DLGAP2: variants seen among roughly 807,000 people sequenced by gnomAD.
DLGAP2 encodes DLG associated protein 2, also known as disks large-associated protein 2.
A neutral mutation model predicts 100.3 loss-of-function variants in DLGAP2; 26 were observed. The observed-to-expected ratio is 0.26, with a 90% CI of 0.19 to 0.36. The LOEUF (loss-of-function observed/expected upper bound fraction) is 0.36, where lower values mean the gene tolerates loss of function less well. DLGAP2 is among the 10% of genes least tolerant of loss of function. DLGAP2 has a pLI of 1.00. For synonymous variants in DLGAP2, 886 were observed against 630.1 expected (o/e 1.41, Z -6.08); for missense variants, 1,858 against 1,453.2 (o/e 1.28, Z -4.53).
intron 6 of DLGAP2, 41 bp from the exon 7 acceptor site, chr8:1,626,699 G>A (rs376109941): frequency 2.6e-6 from 4 of 1,563,412 alleles, no homozygotes; most frequent in African/African-American, 2.7e-5. Context: ...CCTGCAGCGG[G>A]TGCTCACAGA....
chr8:1,254,600 C>T (rs13263834), intron 2 of DLGAP2, among the ~76,000 whole-genome samples: 2,009 of 152,290 alleles, frequency 0.013, 29 homozygotes, highest in South Asian at 0.028. Flanking sequence ...CTTCTCGCAT[C>T]TGCATTCCAA....
intron 1 of DLGAP2, among the ~76,000 whole-genome samples, chr8:866,065 G>T (rs887305648): frequency 2.6e-5 from 4 of 152,180 alleles, no homozygotes; most frequent in Non-Finnish European, 5.9e-5. Context: ...GGGACAGGAT[G>T]GTGTTTCGGA....
At chr8:1,280,175 A>G (rs1320381444) in intron 3 of DLGAP2, among the ~76,000 whole-genome samples, 3 of 152,028 alleles carry the variant, frequency 2.0e-5, no homozygotes, top group African/African-American at 7.2e-5. Context: ...ATGGTTTTTC[A>G]TTAGCTGGTT....
chr8:1,538,957 C>T (rs1411840437), intron 4 of DLGAP2, among the ~76,000 whole-genome samples: 1 of 149,396 alleles, frequency 6.7e-6, no homozygotes, highest in African/African-American at 2.5e-5. Flanking sequence ...GCGATCTCCA[C>T]TCACTGCAAC....
At chr8:1,441,455 C>G (rs781346553) in intron 3 of DLGAP2, among the ~76,000 whole-genome samples, 3 of 151,894 alleles carry the variant, frequency 2.0e-5, no homozygotes, top group Non-Finnish European at 4.4e-5. Flanking sequence ...TTTGGGAGGC[C>G]GAGGTGGGCA....
rs573469908 is a variant in DLGAP2 at position 1,456,752 on chromosome 8, C to T, written c.107-44614C>T. ...GCCCCGGTCGTTGGACGTCAGCAGG[C>T]TGTGCCAGGCTGTGCACTGGTGAAA... On this transcript the variant is annotated intron_variant, in intron 3 of 14. Transcript: ENST00000637795. 1.9e-3 allele frequency among the ~76,000 whole-genome samples: 294 copies of T among 151,996 alleles called. 2 individuals are homozygous for T. Among genetic ancestry groups the T allele is most frequent in the Non-Finnish European group, 3.1e-3 (214 of 68,046 alleles).
At chr8:1,098,062 A>C (rs966163338) in intron 2 of DLGAP2, among the ~76,000 whole-genome samples, 3 of 152,222 alleles carry the variant, frequency 2.0e-5, no homozygotes, top group African/African-American at 7.2e-5. Context: ...TCTGAAGAGA[A>C]AACTGCCGTG....
At chr8:1,511,564 T>C (rs1800163579) in intron 4 of DLGAP2, among the ~76,000 whole-genome samples, 2 of 151,796 alleles carry the variant, frequency 1.3e-5, no homozygotes. Flanking sequence ...ACGTAAGTGC[T>C]GTCTAGTGTA....
chr8:1,472,308 A>AG (rs1798826258), intron 3 of DLGAP2, among the ~76,000 whole-genome samples: 2 of 152,038 alleles, frequency 1.3e-5, no homozygotes, highest in African/African-American at 4.8e-5. Flanking sequence ...CGCAGCTGGG[A>AG]GGGAGGCCAG....
intron 3 of DLGAP2, among the ~76,000 whole-genome samples, chr8:1,362,983 T>C (rs1802020134): frequency 6.6e-6 from 1 of 152,174 alleles, no homozygotes; most frequent in Non-Finnish European, 1.5e-5. Flanking sequence ...GGGGCAGCCA[T>C]GGAGGAAGCC....
chr8:1,538,752 G>T (rs1024355074), intron 4 of DLGAP2, among the ~76,000 whole-genome samples: 1 of 152,070 alleles, frequency 6.6e-6, no homozygotes, highest in East Asian at 1.9e-4. Context: ...AGCCCTCCCC[G>T]CAGCGTGGCC....
At chr8:978,686 G>A (rs1305824341) in intron 2 of DLGAP2, among the ~76,000 whole-genome samples, 10 of 151,634 alleles carry the variant, frequency 6.6e-5, no homozygotes, top group Non-Finnish European at 1.3e-4. Context: ...GGAGGGCGTC[G>A]GGGATTCACT....
chr8:1,152,206 C>T (rs545507953), intron 2 of DLGAP2, among the ~76,000 whole-genome samples: 47 of 152,216 alleles, frequency 3.1e-4, no homozygotes, highest in African/African-American at 1.1e-3. Flanking sequence ...CTTATTGTTT[C>T]CTTCGAATTC....
intron 4 of DLGAP2, among the ~76,000 whole-genome samples, chr8:1,532,381 C>T (rs936548434): frequency 3.3e-5 from 5 of 152,164 alleles, no homozygotes; most frequent in Non-Finnish European, 7.3e-5. Flanking sequence ...ATCAAATTAG[C>T]TCCTTTTTAG....
rs896896829 is a variant in DLGAP2, at chr8:1,103,423, G to A, written c.74-155428G>A. ...GGGCCTTGTTTAACGGTGATGACTGGCAGGGCTTTGGTTAACGGTGATGAC... is the reference window on the plus strand; with the variant it reads ...GGGCCTTGTTTAACGGTGATGACTGACAGGGCTTTGGTTAACGGTGATGAC... On this transcript the variant is annotated intron_variant, in intron 2 of 14. Coordinates refer to ENST00000637795, the MANE Select transcript of DLGAP2 (RefSeq NM_001346810.2). Among the ~76,000 whole-genome samples, 10 of 151,518 alleles carry A rather than the reference G, an allele frequency of 6.6e-5. 1 individual carries two copies. The highest frequency in any genetic ancestry group is 8.8e-5 in the Non-Finnish European group (6 of 67,852).
intron 4 of DLGAP2, among the ~76,000 whole-genome samples, chr8:1,516,541 G>A (rs1276746448): frequency 2.0e-5 from 3 of 151,842 alleles, no homozygotes; most frequent in Non-Finnish European, 1.5e-5. Flanking sequence ...GTGAGTGAGT[G>A]CATGAATGAG....
intron 3 of DLGAP2, among the ~76,000 whole-genome samples, chr8:1,368,260 G>C (rs565237322): frequency 1.3e-5 from 2 of 152,054 alleles, no homozygotes; most frequent in East Asian, 1.9e-4. Context: ...ATGTGTGTGC[G>C]TGTGTGCAGG....
intron 2 of DLGAP2, among the ~76,000 whole-genome samples, chr8:1,205,029 A>G (rs1797960038): frequency 6.6e-6 from 1 of 152,090 alleles, no homozygotes; most frequent in Non-Finnish European, 1.5e-5. Flanking sequence ...CCGTAATTGC[A>G]GTCATTAGGG....
chr8:1,329,704 G>A (rs902683198), intron 3 of DLGAP2, among the ~76,000 whole-genome samples: 2 of 152,154 alleles, frequency 1.3e-5, no homozygotes, highest in South Asian at 2.1e-4. Flanking sequence ...TGAGCCGTGC[G>A]TGAGGTCACC....
Sources: gnomAD v4.1 joint callset for allele counts (sites outside exome capture counted in the v4.1 genomes callset) on GRCh38, gnomAD v4.1.1 for gene constraint, MANE v1.5 for transcripts, NCBI Gene and HGNC (gene_info 2026-07-23, HGNC 2026-07-21) for gene names.